The following FHIT variants were observed in gnomAD, a reference collection of about 807,000 sequenced individuals.
The protein encoded by FHIT is fragile histidine triad diadenosine triphosphatase.
In FHIT, 19 loss-of-function variants were observed where a neutral mutation model predicts 17.9. That is an observed-to-expected ratio of 1.06 (90% CI 0.74 to 1.56). The LOEUF is 1.56. Ranked by LOEUF, FHIT falls within the 40% of genes most tolerant of loss-of-function variation. The probability of loss-of-function intolerance (pLI) is 0.00; values close to 1 mark genes in which losing one functional copy is unlikely to be tolerated. For missense variants in FHIT, 248 were observed against 189.2 expected, an observed-to-expected ratio of 1.31 and a Z score of -1.82; for synonymous variants, 81 against 69.7, an observed-to-expected ratio of 1.16 and a Z score of -0.81.
At chr3:61,061,729 C>T (rs7642017) in intron 2 of FHIT, among the ~76,000 whole-genome samples, 91,037 of 151,824 alleles carry the variant, frequency 0.6, 28,173 homozygotes, top group Non-Finnish European at 0.65. Context: ...TAACTCCCTA[C>T]GTTTCCATTC....
rs183139370 is a variant in FHIT, at chr3:61,177,248, T to C, written c.-164+23369A>G. Among the ~76,000 whole-genome samples, 341 of 152,150 alleles carry C rather than the reference T, an allele frequency of 2.2e-3. 1 individual carries two copies. Among genetic ancestry groups the C allele is most frequent in the African/African-American group, 7.6e-3 (316 of 41,526 alleles). On this transcript the variant is annotated intron_variant, in intron 2 of 9. Transcript: ENST00000492590. ...ATCATTTTGAAATAAATACTCACCTTTGCATCTAATTTTGTATTCATAATC... is the reference window on the plus strand; with the variant it reads ...ATCATTTTGAAATAAATACTCACCTCTGCATCTAATTTTGTATTCATAATC...
chr3:60,821,036 C>A (rs1485685540), intron 4 of FHIT, among the ~76,000 whole-genome samples: 4 of 151,870 alleles, frequency 2.6e-5, no homozygotes, highest in Non-Finnish European at 5.9e-5. Context: ...AGTGCAATGG[C>A]ATGATCTTAG....
intron 5 of FHIT, among the ~76,000 whole-genome samples, chr3:60,176,920 T>C (rs1287485173): frequency 6.6e-6 from 1 of 151,714 alleles, no homozygotes; most frequent in Non-Finnish European, 1.5e-5. Context: ...GGGAAAAGGA[T>C]CATGGAAAGA....
At chr3:59,938,098 C>T (rs1015720554) in intron 7 of FHIT, among the ~76,000 whole-genome samples, 1 of 152,106 alleles carries the variant, frequency 6.6e-6, no homozygotes, top group African/African-American at 2.4e-5. Flanking sequence ...GATATCTGCA[C>T]CCTCATGTCC....
At chr3:60,287,795 A>C (rs1020985696) in intron 5 of FHIT, among the ~76,000 whole-genome samples, 1 of 128,406 alleles carries the variant, frequency 7.8e-6, no homozygotes, top group African/African-American at 3.0e-5. Context: ...AAGCTGAGGG[A>C]AACTGCACAC....
chr3:59,780,569 A>T (rs1380384846), intron 8 of FHIT, among the ~76,000 whole-genome samples: 3 of 152,192 alleles, frequency 2.0e-5, no homozygotes, highest in African/African-American at 7.2e-5. Context: ...CATTAACACC[A>T]CAATCCAGTT....
chr3:61,014,576 G>A (rs370878800), intron 3 of FHIT, among the ~76,000 whole-genome samples: 1 of 151,328 alleles, frequency 6.6e-6, no homozygotes, highest in Admixed American at 6.6e-5. Flanking sequence ...TCAGGAGATT[G>A]AGACCATCCT....
At chr3:60,593,836 G>A (rs1434976260) in intron 4 of FHIT, among the ~76,000 whole-genome samples, 2 of 152,062 alleles carry the variant, frequency 1.3e-5, no homozygotes, top group Non-Finnish European at 2.9e-5. Flanking sequence ...CACATGCTTG[G>A]TGGGTCAGAA....
At chr3:60,937,563 T>A (rs1708242358) in intron 3 of FHIT, among the ~76,000 whole-genome samples, 1 of 30,272 alleles carries the variant, frequency 3.3e-5, no homozygotes, top group Non-Finnish European at 2.9e-4. Flanking sequence ...TTTTCTTTTC[T>A]TTTCTTTTTT....
In FHIT at chr3:60,051,294, T is replaced by C. The variant is rs1214096060; in HGVS notation, c.104-37142A>G. ...AACTGCAGCCTAACCTAACTTAGTC[T>C]ATTAAACACACCGAAAGCCTAATTT... On this transcript the variant is annotated intron_variant, in intron 5 of 9. Transcript: ENST00000492590. 3.3e-5 allele frequency among the ~76,000 whole-genome samples: 5 copies of C among 151,112 alleles called. No individual in the cohort carries two copies. The East Asian group carries it at 9.7e-4, about 29-fold the overall frequency.
intron 3 of FHIT, among the ~76,000 whole-genome samples, chr3:60,944,186 G>A (rs1356091917): frequency 1.3e-5 from 2 of 152,212 alleles, no homozygotes; most frequent in African/African-American, 2.4e-5. Flanking sequence ...TTCTCAAACT[G>A]AACCCAAAGG....
intron 4 of FHIT, among the ~76,000 whole-genome samples, chr3:60,774,826 ATACAC>A (rs1700167578): frequency 6.6e-6 from 1 of 152,194 alleles, no homozygotes; most frequent in South Asian, 2.1e-4. Context: ...GGGATGATTC[ATACAC>A]TGGGAAGGGC....
intron 5 of FHIT, among the ~76,000 whole-genome samples, chr3:60,028,318 A>C (rs1317802535): frequency 6.6e-6 from 1 of 152,218 alleles, no homozygotes; most frequent in African/African-American, 2.4e-5. Flanking sequence ...ACACGGTTTA[A>C]ATTTCAGTTA....
chr3:60,455,878 A>G lies in FHIT; in HGVS notation c.103+80982T>C, dbSNP rs59884304. Among the ~76,000 whole-genome samples the G allele has an allele frequency of 3.9e-5, 6 of 152,298 alleles. No homozygotes were observed. In the East Asian group the frequency reaches 9.6e-4, roughly 24 times the overall value. ...AAATTCATCAAGAGGAAAAAAATACATAATTTTAAGAAGTCAAAGCCTATT... is the reference window on the plus strand; with the variant it reads ...AAATTCATCAAGAGGAAAAAAATACGTAATTTTAAGAAGTCAAAGCCTATT... On this transcript the variant is annotated intron_variant, in intron 5 of 9. Coordinates refer to ENST00000492590, the MANE Select transcript of FHIT (RefSeq NM_002012.4).
intron 5 of FHIT, among the ~76,000 whole-genome samples, chr3:60,280,469 T>C (rs1158000832): frequency 6.6e-6 from 1 of 152,194 alleles, no homozygotes; most frequent in East Asian, 1.9e-4. Context: ...TGGGCCTTAA[T>C]GCTATCAATC....
intron 5 of FHIT, among the ~76,000 whole-genome samples, chr3:60,520,504 A>C (rs1051897218): frequency 2.8e-4 from 43 of 152,158 alleles, no homozygotes; most frequent in African/African-American, 9.9e-4. Flanking sequence ...ATAAAAGAGA[A>C]ACATCTCGTC....
At chr3:59,824,517 T>C (rs1267419956) in intron 8 of FHIT, among the ~76,000 whole-genome samples, 1 of 152,260 alleles carries the variant, frequency 6.6e-6, no homozygotes, top group African/African-American at 2.4e-5. Flanking sequence ...GGCCAGCCTT[T>C]GAATTGATAG....
chr3:60,919,617 G>A (rs2107308022), intron 3 of FHIT, among the ~76,000 whole-genome samples: 1 of 152,260 alleles, frequency 6.6e-6, no homozygotes, highest in East Asian at 1.9e-4. Flanking sequence ...CAGAGAGTGG[G>A]TAGGAAAGGA....
chr3:59,836,815 G>A (rs983726121), intron 8 of FHIT, among the ~76,000 whole-genome samples: 1 of 152,078 alleles, frequency 6.6e-6, no homozygotes, highest in Non-Finnish European at 1.5e-5. Context: ...GCAGACACTG[G>A]GCTGGAGGGG....
Sources: allele counts gnomAD v4.1 joint callset (sites outside exome capture counted in the v4.1 genomes callset), GRCh38; gene constraint gnomAD v4.1.1; transcripts MANE v1.5; gene names NCBI Gene and HGNC (gene_info 2026-07-23, HGNC 2026-07-21).